The following KRT3 variants were observed in gnomAD, a reference collection of about 807,000 sequenced individuals.
KRT3 encodes the protein keratin 3, also known as keratin, type II cytoskeletal 3.
In KRT3, 34 loss-of-function variants were observed where a neutral mutation model predicts 45.8. That is an observed-to-expected ratio of 0.74 (90% CI 0.57 to 0.99). The LOEUF (loss-of-function observed/expected upper bound fraction) is 0.99, where lower values mean the gene tolerates loss of function less well. Among genes scored for constraint, KRT3 ranks in the 50% least tolerant of loss-of-function variants. The pLI is 0.00. For missense variants in KRT3, 828 were observed against 820.6 expected, an observed-to-expected ratio of 1.01 and a Z score of -0.11; for synonymous variants, 367 against 329.0, an observed-to-expected ratio of 1.12 and a Z score of -1.25.
chr12:52,795,248 C>T, intron 1 of KRT3, 150 bp downstream of exon 1: 1 of 978,628 alleles, frequency 1.0e-6, no homozygotes, highest in South Asian at 1.6e-5. Context: ...ACAAACTCCT[C>T]AACCCTGGAT....
chr12:52,793,147 C>A lies in KRT3; in HGVS notation c.927+16G>T. ...CTGCAGCTGCAAGCCTCAGAAACCTCACACACAGCCCTTACCTTCTTCAGA... is the reference window on the plus strand; with the variant it reads ...CTGCAGCTGCAAGCCTCAGAAACCTAACACACAGCCCTTACCTTCTTCAGA... On this transcript the variant is annotated intron_variant, in intron 3 of 8. Coordinates refer to ENST00000417996, the MANE Select transcript of KRT3 (RefSeq NM_057088.3). 2 of 1,606,862 alleles carry A rather than the reference C, an allele frequency of 1.2e-6. No individual in the cohort carries two copies. The highest frequency in any genetic ancestry group is 2.7e-5 in the African/African-American group (2 of 74,922).
At chr12:52,793,362 C>T in intron 2 of KRT3, 139 bp from the exon 3 acceptor site, 1 of 617,452 alleles carries the variant, frequency 1.6e-6, no homozygotes, top group Non-Finnish European at 2.9e-6. Context: ...ATCCTCTTTA[C>T]TATCTCCCTG....
In KRT3 at chr12:52,793,144, C is replaced by T. The variant is rs1939563808; in HGVS notation, c.927+19G>A. The stretch of plus-strand genomic sequence containing the variant: ...AACCTGCAGCTGCAAGCCTCAGAAA[C>T]CTCACACACAGCCCTTACCTTCTTC... On this transcript the variant is annotated intron_variant, in intron 3 of 8. Transcript: ENST00000417996. The T allele has an allele frequency of 1.2e-6, 2 of 1,605,404 alleles. No homozygotes were observed. Among genetic ancestry groups the T allele is most frequent in the Non-Finnish European group, 1.7e-6 (2 of 1,173,942 alleles).
chr12:52,794,422 T>TA (rs1244444902), intron 1 of KRT3, 91 bp from the exon 2 acceptor site: 2 of 868,834 alleles, frequency 2.3e-6, no homozygotes, highest in Non-Finnish European at 3.7e-6. Flanking sequence ...GTCTATCTCC[T>TA]GGGCCCCCAG....
rs759205102 is a variant in KRT3, at chr12:52,795,971, G to A, written c.72C>T (p.Ser24=). 1.2e-4 allele frequency: 196 copies of A among 1,613,966 alleles called. No individual in the cohort carries two copies. Among genetic ancestry groups the A allele is most frequent in the East Asian group, 1.1e-3 (51 of 44,888 alleles). The change falls in exon 1 of 9, where the codon TCC becomes TCT. Residue 24 remains serine, a synonymous_variant. Coordinates refer to ENST00000417996, the MANE Select transcript of KRT3 (RefSeq NM_057088.3). ...CCACACAGCTCATCCTGCTGCTGCCGGAGACCACAGCAGAGCGGCCGGAGA... is the reference window on the plus strand; with the variant it reads ...CCACACAGCTCATCCTGCTGCTGCCAGAGACCACAGCAGAGCGGCCGGAGA... ...QGFSGRSAVV[S]GSSRMSCVAH...
intron 2 of KRT3, among the ~76,000 whole-genome samples, chr12:52,793,553 A>G (rs1401029550): frequency 1.3e-5 from 2 of 152,086 alleles, no homozygotes; most frequent in African/African-American, 4.8e-5. Flanking sequence ...AACCTGGCTC[A>G]TGAGGAAATG....
At chr12:52,791,841 G>A (rs1180105806) in intron 5 of KRT3, 25 bp from the exon 6 acceptor site, 3 of 1,607,162 alleles carry the variant, frequency 1.9e-6, no homozygotes, top group Non-Finnish European at 1.7e-6. Flanking sequence ...GGAAGATGGG[G>A]TATTCCTGCA....
At position 52,791,690 on chromosome 12, in the gene KRT3, C is replaced by T. The variant is rs1939509070; in HGVS notation, c.1314+1G>A. ...GGTGCCAGCATCCATGACCATCCCACCTGCTTCTTGACACCCTCGATCTCT... is the reference window on the plus strand; with the variant it reads ...GGTGCCAGCATCCATGACCATCCCATCTGCTTCTTGACACCCTCGATCTCT... On this transcript the variant is annotated splice_donor_variant, in intron 6 of 8. Coordinates refer to ENST00000417996, the MANE Select transcript of KRT3 (RefSeq NM_057088.3). LOFTEE classifies it high-confidence loss of function. 1 of 1,614,006 alleles carries T rather than the reference C, an allele frequency of 6.2e-7. No individual in the cohort carries two copies. The highest frequency in any genetic ancestry group is 8.5e-7 in the Non-Finnish European group (1 of 1,180,000).
At chr12:52,795,032 G>T (rs889684636) in intron 1 of KRT3, among the ~76,000 whole-genome samples, 1 of 152,202 alleles carries the variant, frequency 6.6e-6, no homozygotes, top group South Asian at 2.1e-4. Context: ...AGGGCAGCTT[G>T]TATTTGAAAA....
In KRT3 at chr12:52,795,798, C is replaced by G; in HGVS notation, c.245G>C (p.Gly82Ala). ...TGCAAAGGCACAGCTGCTCCGCCCT[C>G]CCCCAAAGCCTCCAGCCCGGGAGCC... ...AGGSRAGGFG[G>A]GRSSCAFAGG... Residue 82 changes from glycine (G) to alanine (A), a missense_variant, in exon 1 of 9, where the codon GGA (glycine) becomes GCA (alanine). Coordinates refer to ENST00000417996, the MANE Select transcript of KRT3 (RefSeq NM_057088.3). 1 of 1,614,046 alleles carries G rather than the reference C, an allele frequency of 6.2e-7. No homozygotes were observed. The highest frequency in any genetic ancestry group is 1.1e-5 in the South Asian group (1 of 91,076).
Position 52,795,769 on chromosome 12 carries a change from C to T in KRT3, c.274G>A (p.Gly92Ser). Residue 92 changes from glycine (G) to serine (S), a missense_variant, in exon 1 of 9, where the codon GGC (glycine) becomes AGC (serine). By Grantham distance (56) the Gly-to-Ser change is moderately conservative. Transcript: ENST00000417996. ...CCGCTCCCAAAGCCACCTCCATAGC[C>T]ACCTGCAAAGGCACAGCTGCTCCGC... ...GGRSSCAFAG[G>S]YGGGFGSGYG... The T allele has an allele frequency of 1.2e-6, 2 of 1,614,016 alleles. No individual in the cohort carries two copies. Among genetic ancestry groups the T allele is most frequent in the African/African-American group, 1.3e-5 (1 of 75,044 alleles).
In KRT3 at chr12:52,795,865, G is replaced by GGT. The variant is rs746864354; in HGVS notation, c.176_177dup (p.Leu60ThrfsTer115). 3 of 1,614,166 alleles carry GGT rather than the reference G, an allele frequency of 1.9e-6. No individual in the cohort carries two copies. Among genetic ancestry groups the GGT allele is most frequent in the Non-Finnish European group, 2.5e-6 (3 of 1,180,018 alleles). On this transcript the variant is annotated frameshift_variant, in exon 1 of 9. Transcript: ENST00000417996. LOFTEE classifies it high-confidence loss of function. ...ATGGAGATGCTCTTGTTGCCGCCCAGGTTGTAGAGGCTGCGACTGCCAAAG... is the reference window on the plus strand; with the variant it reads ...ATGGAGATGCTCTTGTTGCCGCCCAGGTGTTGTAGAGGCTGCGACTGCCAAAG...
rs753904849 is a variant in KRT3, at chr12:52,795,996, A to G, written c.47T>C (p.Phe16Ser). The change falls in exon 1 of 9, where the codon TTC (phenylalanine) becomes TCC (serine). Residue 16 changes from phenylalanine (F) to serine (S), a missense_variant. By Grantham distance (155) the Phe-to-Ser change is radical. Coordinates refer to ENST00000417996, the MANE Select transcript of KRT3 (RefSeq NM_057088.3). ...SKTSGGGSQG[F>S]SGRSAVVSGS... ...GGAGACCACAGCAGAGCGGCCGGAG[A>G]AACCCTGGCTCCCGCCACCAGATGT... The G allele has an allele frequency of 6.2e-7, 1 of 1,613,900 alleles. No individual in the cohort carries two copies. The highest frequency in any genetic ancestry group is 1.1e-5 in the South Asian group (1 of 91,078).
chr12:52,792,168 C>A, intron 5 of KRT3, 71 bp downstream of exon 5: 2 of 1,351,964 alleles, frequency 1.5e-6, no homozygotes, highest in Non-Finnish European at 2.1e-6. Flanking sequence ...GAACTCACTA[C>A]CCAGCTGTCC....
intron 3 of KRT3, 97 bp from the exon 4 acceptor site, chr12:52,792,903 G>T: frequency 2.4e-6 from 2 of 829,348 alleles, no homozygotes; most frequent in Non-Finnish European, 4.0e-6. Context: ...GTGCAGTGAT[G>T]GTCCTTGTCT....
intron 7 of KRT3, 119 bp downstream of exon 7, chr12:52,791,087 T>G (rs1486881354): frequency 2.0e-6 from 3 of 1,503,556 alleles, no homozygotes; most frequent in African/African-American, 2.8e-5. Context: ...AGGCAAATGC[T>G]TCACCACAAG....
Position 52,794,181 on chromosome 12 carries a change from G to A in KRT3, c.796C>T (p.Leu266Phe), listed in dbSNP as rs1249256600. 1.2e-6 allele frequency: 2 copies of A among 1,614,218 alleles called. No homozygotes were observed. Among genetic ancestry groups the A allele is most frequent in the Non-Finnish European group, 1.7e-6 (2 of 1,180,042 alleles). Residue 266 changes from leucine to phenylalanine, a missense_variant, in exon 2 of 9, where the codon CTC becomes TTC. Physicochemically the swap from Leu to Phe is conservative, Grantham distance 22. Transcript: ENST00000417996. ...GAGTCCAGGCGCCCTCTCTCCCCGA[G>A]GATGTTGTCCAGGTAGCTCCGCAGG... ...NYLRSYLDNI[L>F]GERGRLDSEL... is the part of the protein sequence containing the mutation.
chr12:52,795,898 C>T lies in KRT3; in HGVS notation c.145G>A (p.Ala49Thr), dbSNP rs1380786929. The T allele has an allele frequency of 1.2e-6, 2 of 1,614,056 alleles. No individual in the cohort carries two copies. Among genetic ancestry groups the T allele is most frequent in the Non-Finnish European group, 1.7e-6 (2 of 1,179,902 alleles). ...GGGAYGFRSG[A>T]GGFGSRSLYN... ...AGGCTGCGACTGCCAAAGCCACCTG[C>T]TCCGCTCCGGAAGCCATAGGCCCCT... The change falls in exon 1 of 9, where the codon GCA becomes ACA. Residue 49 changes from alanine to threonine, a missense_variant. Physicochemically the swap from Ala to Thr is moderately conservative, Grantham distance 58. Transcript: ENST00000417996.
intron 1 of KRT3, among the ~76,000 whole-genome samples, chr12:52,794,759 C>T (rs1939600166): frequency 6.6e-6 from 1 of 152,210 alleles, no homozygotes; most frequent in Admixed American, 6.5e-5. Context: ...GCAACACTGG[C>T]TGGCATGCCA....
Sources: gnomAD v4.1 joint callset for allele counts (sites outside exome capture counted in the v4.1 genomes callset) on GRCh38, gnomAD v4.1.1 for gene constraint, MANE v1.5 for transcripts, NCBI Gene and HGNC (gene_info 2026-07-23, HGNC 2026-07-21) for gene names.